The following PTPRG variants were observed in gnomAD, a reference collection of about 807,000 sequenced individuals.
The protein encoded by PTPRG is receptor-type tyrosine-protein phosphatase gamma.
In PTPRG, 102 loss-of-function variants were observed where a neutral mutation model predicts 165.3. That is an observed-to-expected ratio of 0.62 (90% CI 0.53 to 0.73). The LOEUF (loss-of-function observed/expected upper bound fraction) is 0.73, where lower values mean the gene tolerates loss of function less well. PTPRG is among the 30% of genes least tolerant of loss of function. The pLI is 0.00. For synonymous variants in PTPRG, 675 were observed against 669.5 expected (o/e 1.01, Z -0.13); for missense variants, 1,866 against 1,861.4 (o/e 1.00, Z -0.05).
In PTPRG at chr3:62,195,313, G is replaced by A. The variant is rs1699933255; in HGVS notation, c.1327+143G>A. ...GTGTAGGGTTTTAAAGCCTATGCGGGAAGCCCTAGTAATTTAGGTCTTTTA... is the reference window on the plus strand; with the variant it reads ...GTGTAGGGTTTTAAAGCCTATGCGGAAAGCCCTAGTAATTTAGGTCTTTTA... On this transcript the variant is annotated intron_variant, in intron 10 of 29. Coordinates refer to ENST00000474889, the MANE Select transcript of PTPRG (RefSeq NM_002841.4). The surrounding 1 kb of genome is among the most constrained non-coding windows in gnomAD (Gnocchi z 4.4). 1 of 713,554 alleles carries A rather than the reference G, an allele frequency of 1.4e-6. No homozygotes were observed. Among genetic ancestry groups the A allele is most frequent in the Non-Finnish European group, 2.3e-6 (1 of 431,072 alleles). The allele number at this position is 713,554 out of a possible 1,614,324, so 44.2% of individuals were successfully genotyped here.
At chr3:62,000,331 T>C (rs2041143520) in intron 3 of PTPRG, among the ~76,000 whole-genome samples, 1 of 150,334 alleles carries the variant, frequency 6.7e-6, no homozygotes, top group Non-Finnish European at 1.5e-5. Flanking sequence ...CTCCAAATGG[T>C]ATCTTATTGC....
At chr3:61,804,690 A>AT (rs1559621264) in intron 2 of PTPRG, among the ~76,000 whole-genome samples, 2 of 151,956 alleles carry the variant, frequency 1.3e-5, no homozygotes, top group South Asian at 2.1e-4. Flanking sequence ...AAAAAAAAAA[A>AT]AAAAATAAAA....
chr3:61,941,917 G>A (rs1575808055), intron 2 of PTPRG, among the ~76,000 whole-genome samples: 1 of 152,006 alleles, frequency 6.6e-6, no homozygotes. Context: ...CCAATACTTT[G>A]GAAGGTCGCG....
At chr3:61,697,160 A>G (rs1269019168) in intron 1 of PTPRG, among the ~76,000 whole-genome samples, 1 of 152,148 alleles carries the variant, frequency 6.6e-6, no homozygotes, top group Non-Finnish European at 1.5e-5. Context: ...TTCTTCACTG[A>G]AGTAGGTCCT....
At chr3:62,037,433 G>A (rs891721998) in intron 4 of PTPRG, among the ~76,000 whole-genome samples, 10 of 152,128 alleles carry the variant, frequency 6.6e-5, no homozygotes, top group African/African-American at 2.4e-4. Context: ...CGGACCTCTA[G>A]CCAACAGATG....
intron 1 of PTPRG, among the ~76,000 whole-genome samples, chr3:61,655,407 T>C (rs1447000146): frequency 2.6e-5 from 4 of 152,208 alleles, no homozygotes; most frequent in African/African-American, 7.2e-5. Flanking sequence ...GTTTCACTTA[T>C]TCTTTTATCA....
intron 1 of PTPRG, among the ~76,000 whole-genome samples, chr3:61,728,874 CAAAA>C (rs3032404): frequency 2.4e-4 from 25 of 102,982 alleles, no homozygotes; most frequent in Admixed American, 2.0e-3. Flanking sequence ...TAATCTGTAC[CAAAA>C]AAAAAAAAAA....
chr3:61,810,622 C>T (rs1311866628), intron 2 of PTPRG, among the ~76,000 whole-genome samples: 1 of 152,138 alleles, frequency 6.6e-6, no homozygotes, highest in Non-Finnish European at 1.5e-5. Flanking sequence ...GGTCTGGCTA[C>T]CCACCCCTAC....
chr3:61,747,104 C>T (rs906606428), intron 1 of PTPRG, among the ~76,000 whole-genome samples: 1 of 139,822 alleles, frequency 7.2e-6, no homozygotes, highest in African/African-American at 2.7e-5. Context: ...GCCTGTTCGA[C>T]AGAGCAAGAC....
rs1026741718 is a variant in PTPRG at position 62,293,856 on chromosome 3, A to G, written c.*549A>G. The stretch of plus-strand genomic sequence containing the variant: ...GGACCTAAAAAGGTCTGTTAATGTC[A>G]TGGCCTTGAAACAGTTCCATTTATG... On this transcript the variant is annotated 3_prime_UTR_variant, in exon 30 of 30. Coordinates refer to ENST00000474889, the MANE Select transcript of PTPRG (RefSeq NM_002841.4). 2.0e-5 allele frequency: 3 copies of G among 152,526 alleles called. No homozygotes were observed. The highest frequency in any genetic ancestry group is 7.2e-5 in the African/African-American group (3 of 41,410). The allele number at this position is 152,526 out of a possible 1,614,324, so 9.4% of individuals were successfully genotyped here.
intron 1 of PTPRG, among the ~76,000 whole-genome samples, chr3:61,650,699 ACAGT>A (rs1383576812): frequency 6.6e-6 from 1 of 152,242 alleles, no homozygotes; most frequent in Non-Finnish European, 1.5e-5. Context: ...CATCAAACGC[ACAGT>A]CAACTTTTAT....
chr3:62,238,514 G>A (rs1701080377), intron 14 of PTPRG, among the ~76,000 whole-genome samples: 1 of 152,098 alleles, frequency 6.6e-6, no homozygotes. Flanking sequence ...TACCAGACAA[G>A]TATAGCAGTC....
At chr3:61,786,865 C>T (rs546858125) in intron 2 of PTPRG, among the ~76,000 whole-genome samples, 32 of 152,254 alleles carry the variant, frequency 2.1e-4, no homozygotes, top group African/African-American at 6.7e-4. Context: ...AGAAGCCTTA[C>T]GCACCATAAC....
At chr3:62,280,709 G>A (rs948329331) in intron 26 of PTPRG, among the ~76,000 whole-genome samples, 2 of 151,954 alleles carry the variant, frequency 1.3e-5, no homozygotes, top group Admixed American at 1.3e-4. Flanking sequence ...CTTCTTGTGG[G>A]CATATACCCA....
chr3:62,268,536 C>T (rs1037159811), intron 19 of PTPRG, among the ~76,000 whole-genome samples: 7 of 152,166 alleles, frequency 4.6e-5, no homozygotes, highest in Non-Finnish European at 8.8e-5. Context: ...AAAGAACCTA[C>T]GCTTCAGGTT....
intron 1 of PTPRG, among the ~76,000 whole-genome samples, chr3:61,620,374 G>T (rs1336333183): frequency 6.6e-6 from 1 of 152,166 alleles, no homozygotes; most frequent in East Asian, 1.9e-4. Flanking sequence ...GATATATGGG[G>T]CTATTGATGC....
At chr3:62,256,022 A>G (rs1183727818) in intron 16 of PTPRG, among the ~76,000 whole-genome samples, 3 of 152,156 alleles carry the variant, frequency 2.0e-5, no homozygotes, top group Admixed American at 1.3e-4. Context: ...CTCTGGCAGC[A>G]AGAGTTGTGT....
intron 4 of PTPRG, among the ~76,000 whole-genome samples, chr3:62,045,912 C>A (rs1700274661): frequency 6.6e-6 from 1 of 152,192 alleles, no homozygotes; most frequent in Admixed American, 6.5e-5. Context: ...CAGACAGAAC[C>A]CAGTGACCAT....
rs59553874 is a variant in PTPRG at position 61,938,235 on chromosome 3, C to CTTT, written c.191-51377_191-51375dup. ...AGCTTATCACCCCTTTTTCTTTTTC[C>CTTT]TTTTTTTTTTTTTTTACTTTAAAAG... On this transcript the variant is annotated intron_variant, in intron 2 of 29. Transcript: ENST00000474889. Among the ~76,000 whole-genome samples, 861 of 135,290 alleles carry CTTT rather than the reference C, an allele frequency of 6.4e-3. 5 individuals carry two copies. The highest frequency in any genetic ancestry group is 0.021 in the African/African-American group (768 of 36,712). 88.8% of individuals were successfully genotyped at this position (135,290 alleles called of 152,430 possible).
Sources: allele counts gnomAD v4.1 joint callset (sites outside exome capture counted in the v4.1 genomes callset), GRCh38; gene constraint gnomAD v4.1.1; non-coding constraint Gnocchi (gnomAD v3.1); transcripts MANE v1.5; gene names NCBI Gene and HGNC (gene_info 2026-07-23, HGNC 2026-07-21).